The following ATP2C1 variants were observed in gnomAD, a reference collection of about 807,000 sequenced individuals.
The protein encoded by ATP2C1 is ATPase secretory pathway Ca2+ transporting 1.
In ATP2C1, 31 loss-of-function variants were observed where a neutral mutation model predicts 120.5. The ratio of observed to expected loss-of-function variants is 0.26; its 90% CI spans 0.19 to 0.35. The LOEUF is 0.35. Among genes scored for constraint, ATP2C1 ranks in the 10% least tolerant of loss-of-function variants. The pLI, the probability that ATP2C1 is intolerant of heterozygous loss-of-function variation, is 1.00. For missense variants in ATP2C1, 731 were observed against 1,107.5 expected (o/e 0.66, Z 4.83); for synonymous variants, 351 against 358.7 (o/e 0.98, Z 0.24).
intron 5 of ATP2C1, among the ~76,000 whole-genome samples, chr3:130,936,816 CAA>C (rs34156218): frequency 2.6e-5 from 2 of 77,954 alleles, no homozygotes; most frequent in African/African-American, 7.1e-5. Context: ...GACTCTGTCT[CAA>C]AAAAAAAAAA....
In ATP2C1 at chr3:130,850,787, A is replaced by T; in HGVS notation, c.-34A>T. 2.9e-6 allele frequency: 3 copies of T among 1,027,052 alleles called. No homozygotes were observed. In the South Asian group the frequency reaches 5.9e-5, roughly 20 times the overall value. 63.6% of individuals were successfully genotyped at this position (1,027,052 alleles called of 1,614,324 possible). ...TAATTTCATATGGTTGCTGACAAGG[A>T]GGTGCAGACAAGGACCCTCTTGCTT... On this transcript the variant is annotated 5_prime_UTR_variant, in exon 1 of 27. Transcript: ENST00000504381.
chr3:130,992,005 C>T lies in ATP2C1; in HGVS notation c.1840-946C>T, dbSNP rs534429096. ...AATGGTGTATTATGTATATTGAAAT[C>T]ACCATAACTTGTAAATATTGTTGGA... On this transcript the variant is annotated intron_variant, in intron 20 of 27. Transcript: ENST00000510168. Among the ~76,000 whole-genome samples, 4 of 152,298 alleles carry T rather than the reference C, an allele frequency of 2.6e-5. No homozygotes were observed. In the East Asian group the frequency reaches 7.7e-4, roughly 29 times the overall value.
At chr3:130,880,491 A>T (rs568213347) in intron 1 of ATP2C1, among the ~76,000 whole-genome samples, 11 of 152,222 alleles carry the variant, frequency 7.2e-5, no homozygotes, top group Admixed American at 1.3e-4. Context: ...ATCAAGGAAG[A>T]AAAATAAGGT....
rs549185930 is a variant in ATP2C1, at chr3:130,855,280, TATG to T, written c.108+4355_108+4357del. Reference sequence around the variant, plus strand: ...TCTTATTTTAGCTCAATGCGGGGAATATGATATTATTTTGTTTGCTAGTTTAGT... The same window carrying T: ...TCTTATTTTAGCTCAATGCGGGGAATATATTATTTTGTTTGCTAGTTTAGT... On this transcript the variant is annotated intron_variant, in intron 1 of 26. Transcript: ENST00000504381. Among the ~76,000 whole-genome samples the T allele has an allele frequency of 8.6e-3, 1,303 of 152,324 alleles. 25 individuals carry two copies. The highest frequency in any genetic ancestry group is 0.029 in the African/African-American group (1,199 of 41,560).
chr3:130,994,549 T>G (rs1414612593), intron 22 of ATP2C1, among the ~76,000 whole-genome samples: 1 of 152,152 alleles, frequency 6.6e-6, no homozygotes, highest in Admixed American at 6.5e-5. Context: ...TTTAAATAGC[T>G]CTATTTGTGT....
rs2063557682 is a variant in ATP2C1, at chr3:131,015,286, CT to C, written c.2630-865del. On this transcript the variant is annotated intron_variant, in intron 26 of 26. Transcript: ENST00000328560. The stretch of plus-strand genomic sequence containing the variant: ...AACAGCAAATAAAATAGACAAGCCC[CT>C]CCCCCCACAGAGTTTACATCTGAGT... 8.7e-6 allele frequency: 6 copies of C among 693,420 alleles called. No individual in the cohort carries two copies. In the Middle Eastern group the frequency reaches 1.4e-3, roughly 161 times the overall value. 43.0% of individuals were successfully genotyped at this position (693,420 alleles called of 1,614,324 possible).
In ATP2C1 at chr3:130,994,033, T is replaced by C; in HGVS notation, c.1992T>C (p.Thr664=). The change falls in exon 22 of 28, where the codon ACT becomes ACC. Residue 664 remains threonine (T), a synonymous_variant. Transcript: ENST00000510168. ...AADIGVAMGQ[T]GTDVCKEAAD... ...ACATTGGAGTTGCGATGGGCCAGACTGGTACAGATGTTTGCAAAGAGGCAG... is the reference window on the plus strand; with the variant it reads ...ACATTGGAGTTGCGATGGGCCAGACCGGTACAGATGTTTGCAAAGAGGCAG... The C allele has an allele frequency of 6.2e-7, 1 of 1,614,158 alleles. No homozygotes were observed. The highest frequency in any genetic ancestry group is 1.3e-5 in the African/African-American group (1 of 75,048).
chr3:130,867,324 C>G (rs1371501682), intron 1 of ATP2C1, among the ~76,000 whole-genome samples: 2 of 150,654 alleles, frequency 1.3e-5, no homozygotes, highest in Non-Finnish European at 3.0e-5. Flanking sequence ...CTCCCTCTCC[C>G]TCTCCCTCTC....
chr3:130,951,141 C>T (rs2060353588), intron 8 of ATP2C1, among the ~76,000 whole-genome samples: 1 of 152,060 alleles, frequency 6.6e-6, no homozygotes. Context: ...TATAAATTTA[C>T]TTGTAATTCA....
chr3:130,929,494 C>A (rs2059364346), intron 2 of ATP2C1, among the ~76,000 whole-genome samples: 1 of 152,174 alleles, frequency 6.6e-6, no homozygotes, highest in South Asian at 2.1e-4. Flanking sequence ...TTGAAAAGAT[C>A]TTACCTGACA....
At chr3:130,886,306 C>G (rs1484220957) in intron 1 of ATP2C1, among the ~76,000 whole-genome samples, 1 of 151,856 alleles carries the variant, frequency 6.6e-6, no homozygotes, top group African/African-American at 2.4e-5. Context: ...TATTAAATAC[C>G]TTGGGGGTAG....
At chr3:130,938,665 G>A (rs1021674493) in intron 6 of ATP2C1, among the ~76,000 whole-genome samples, 13 of 152,186 alleles carry the variant, frequency 8.5e-5, no homozygotes, top group African/African-American at 3.1e-4. Flanking sequence ...GAGCTGGTTA[G>A]TCTAGCATAG....
In ATP2C1 at chr3:130,979,257, T is replaced by G. The variant is rs1461306944; in HGVS notation, c.1579T>G (p.Leu527Val). The change falls in exon 19 of 28, where the codon TTG becomes GTG. Residue 527 changes from leucine to valine, a missense_variant. Physicochemically the swap from Leu to Val is conservative, Grantham distance 32. Around this residue, in one of 3 missense-constraint regions of ATP2C1, gnomAD observed 571 missense variants for 845.9 expected, o/e 0.67. Transcript: ENST00000510168. ...MGSAGLRVLA[L>V]ASGPELGQLT... ...TTTTATTATTTCCTAAGTTCTTGCT[T>G]TGGCTTCTGGTCCTGAACTGGGACA... 1 of 1,613,718 alleles carries G rather than the reference T, an allele frequency of 6.2e-7. No individual in the cohort carries two copies. Among genetic ancestry groups the G allele is most frequent in the Admixed American group, 1.7e-5 (1 of 59,982 alleles).
At chr3:130,975,625 A>G in intron 18 of ATP2C1, 137 bp downstream of exon 18, 1 of 1,037,436 alleles carries the variant, frequency 9.6e-7, no homozygotes, top group East Asian at 2.6e-5. Flanking sequence ...TTGAGGTGTT[A>G]AGTTTTAGTT....
chr3:130,993,051 T>C (rs376881675), intron 21 of ATP2C1, 50 bp downstream of exon 21: 123 of 1,508,368 alleles, frequency 8.2e-5, no homozygotes, highest in Non-Finnish European at 1.1e-4. Flanking sequence ...AAAATGCTGC[T>C]ACTTTACTTT....
chr3:130,897,419 T>C (rs1056635303), intron 2 of ATP2C1, among the ~76,000 whole-genome samples: 1 of 152,182 alleles, frequency 6.6e-6, no homozygotes, highest in African/African-American at 2.4e-5. Flanking sequence ...AATGCCCTCT[T>C]GCAAAGTTGA....
upstream of ATP2C1, among the ~76,000 whole-genome samples, chr3:130,890,563 C>T (rs1433761636): frequency 6.6e-6 from 1 of 152,180 alleles, no homozygotes; most frequent in Non-Finnish European, 1.5e-5. Flanking sequence ...GTGAAAGAGG[C>T]TATGGAATTT....
intron 2 of ATP2C1, among the ~76,000 whole-genome samples, chr3:130,914,056 C>A (rs1370923302): frequency 6.6e-6 from 1 of 150,694 alleles, no homozygotes. Context: ...TGCTCTTTCC[C>A]TCCTCCTCCT....
chr3:130,905,453 C>T (rs1381303449), intron 2 of ATP2C1, among the ~76,000 whole-genome samples: 1 of 151,928 alleles, frequency 6.6e-6, no homozygotes, highest in Non-Finnish European at 1.5e-5. Context: ...TTGTTTCATC[C>T]GAGTACACAC....
Sources: gnomAD v4.1 joint callset for allele counts (sites outside exome capture counted in the v4.1 genomes callset) on GRCh38, gnomAD v4.1.1 for gene constraint, gnomAD v4.1.1 regional missense constraint, MANE v1.5 for transcripts, NCBI Gene and HGNC (gene_info 2026-07-23, HGNC 2026-07-21) for gene names.